IMMP2L: variants seen among roughly 807,000 people sequenced by gnomAD.
IMMP2L encodes mitochondrial inner membrane protease subunit 2.
Under a neutral mutation model 19.3 loss-of-function variants are expected in IMMP2L, and 18 were observed. That is an observed-to-expected ratio of 0.93 (90% CI 0.64 to 1.38). The LOEUF (loss-of-function observed/expected upper bound fraction) is 1.38. IMMP2L is among the 40% of genes most tolerant of loss of function. The pLI is 0.00. For synonymous variants in IMMP2L, 76 were observed against 73.0 expected, an observed-to-expected ratio of 1.04 and a Z score of -0.21; for missense variants, 233 against 218.2, an observed-to-expected ratio of 1.07 and a Z score of -0.43.
chr7:110,866,873 T>TACA (rs1279353877), intron 5 of IMMP2L, among the ~76,000 whole-genome samples: 20 of 152,164 alleles, frequency 1.3e-4, no homozygotes, highest in African/African-American at 4.8e-4. Context: ...TTTTACAAAA[T>TACA]GTTCAAAGAA....
intron 3 of IMMP2L, among the ~76,000 whole-genome samples, chr7:111,027,223 AT>A (rs1363714175): frequency 4.6e-5 from 7 of 152,214 alleles, no homozygotes; most frequent in Admixed American, 2.0e-4. Flanking sequence ...AACAAACAAT[AT>A]TGTATATCAC....
intron 3 of IMMP2L, among the ~76,000 whole-genome samples, chr7:111,169,756 G>A (rs1464345591): frequency 6.6e-6 from 1 of 151,726 alleles, no homozygotes; most frequent in African/African-American, 2.4e-5. Context: ...ACATTCACAG[G>A]TACTGACAAT....
intron 3 of IMMP2L, among the ~76,000 whole-genome samples, chr7:111,301,566 T>C (rs866341678): frequency 6.6e-6 from 1 of 152,154 alleles, no homozygotes; most frequent in African/African-American, 2.4e-5. Flanking sequence ...CCTATTTTTT[T>C]CTAAAAGTTG....
At chr7:111,369,681 GAAT>G (rs1413841838) in intron 3 of IMMP2L, among the ~76,000 whole-genome samples, 10 of 151,956 alleles carry the variant, frequency 6.6e-5, no homozygotes, top group Non-Finnish European at 1.0e-4. Flanking sequence ...ACATCTCCAA[GAAT>G]AATAATTATT....
At chr7:111,080,778 T>C (rs1795826984) in intron 3 of IMMP2L, among the ~76,000 whole-genome samples, 1 of 152,190 alleles carries the variant, frequency 6.6e-6, no homozygotes, top group African/African-American at 2.4e-5. Context: ...CTAGGCATTG[T>C]GCTGAGGACC....
chr7:111,372,836 C>A (rs1387080628), intron 3 of IMMP2L, among the ~76,000 whole-genome samples: 1 of 151,976 alleles, frequency 6.6e-6, no homozygotes. Flanking sequence ...AGTCATAATT[C>A]CTCATCAGTT....
intron 3 of IMMP2L, among the ~76,000 whole-genome samples, chr7:111,349,011 T>C (rs1827862899): frequency 6.6e-6 from 1 of 152,196 alleles, no homozygotes; most frequent in Non-Finnish European, 1.5e-5. Context: ...GTTAATACTT[T>C]ATAAGCTTCA....
chr7:110,704,297 A>C (rs968057392), intron 5 of IMMP2L, among the ~76,000 whole-genome samples: 1 of 152,242 alleles, frequency 6.6e-6, no homozygotes, highest in East Asian at 1.9e-4. Context: ...AGAAAAATTG[A>C]GCCTAAGTTA....
chr7:111,018,829 A>C (rs1825978505), intron 3 of IMMP2L, among the ~76,000 whole-genome samples: 1 of 145,184 alleles, frequency 6.9e-6, no homozygotes, highest in South Asian at 2.2e-4. Context: ...TATTATTATT[A>C]TTATTATTAC....
intron 3 of IMMP2L, among the ~76,000 whole-genome samples, chr7:111,423,205 G>T (rs1164327648): frequency 6.6e-6 from 1 of 151,754 alleles, no homozygotes; most frequent in Non-Finnish European, 1.5e-5. Flanking sequence ...GCCAGGCTTT[G>T]GTATCAGGAT....
chr7:111,068,127 G>A (rs1692497015), intron 3 of IMMP2L, among the ~76,000 whole-genome samples: 1 of 152,086 alleles, frequency 6.6e-6, no homozygotes, highest in Non-Finnish European at 1.5e-5. Context: ...ATATGTATAT[G>A]TGTATCAGCA....
chr7:110,967,378 C>A (rs1819651402), intron 3 of IMMP2L, among the ~76,000 whole-genome samples: 1 of 151,972 alleles, frequency 6.6e-6, no homozygotes, highest in African/African-American at 2.4e-5. Flanking sequence ...GCATATGTCC[C>A]ACCTTCTCTT....
chr7:110,986,266 T>TAGG (rs954812771), intron 3 of IMMP2L, among the ~76,000 whole-genome samples: 1 of 152,086 alleles, frequency 6.6e-6, no homozygotes, highest in African/African-American at 2.4e-5. Context: ...GGCAAAGTTC[T>TAGG]AGGACCCTGT....
intron 3 of IMMP2L, among the ~76,000 whole-genome samples, chr7:111,427,016 A>G (rs1186582870): frequency 6.6e-6 from 1 of 151,118 alleles, no homozygotes; most frequent in East Asian, 1.9e-4. Flanking sequence ...GTCTCATTGC[A>G]TTACTGATCA....
At chr7:111,350,545 T>C (rs550022207) in intron 3 of IMMP2L, among the ~76,000 whole-genome samples, 2 of 152,040 alleles carry the variant, frequency 1.3e-5, no homozygotes, top group African/African-American at 2.4e-5. Flanking sequence ...TCTAGGCATA[T>C]AATAATTATC....
chr7:111,405,294 A>T lies in IMMP2L; in HGVS notation c.239+81944T>A, dbSNP rs185545807. Among the ~76,000 whole-genome samples, 178 of 152,254 alleles carry T rather than the reference A, an allele frequency of 1.2e-3. 1 individual carries two copies. Among genetic ancestry groups the T allele is most frequent in the Non-Finnish European group, 2.0e-3 (133 of 67,988 alleles). On this transcript the variant is annotated intron_variant, in intron 3 of 5. Transcript: ENST00000405709. Reference sequence around the variant, plus strand: ...TTCTCTGCTTTTACTGCTCCCAAGTATACAGGCACCACGAACACAGAGACC... The same window carrying T: ...TTCTCTGCTTTTACTGCTCCCAAGTTTACAGGCACCACGAACACAGAGACC...
intron 3 of IMMP2L, among the ~76,000 whole-genome samples, chr7:111,114,202 A>C (rs1305703507): frequency 6.6e-6 from 1 of 152,090 alleles, no homozygotes; most frequent in Non-Finnish European, 1.5e-5. Context: ...ACAAGTGTAT[A>C]TAAATTACTC....
At chr7:111,469,005 G>C (rs1424172687) in intron 3 of IMMP2L, among the ~76,000 whole-genome samples, 2 of 152,006 alleles carry the variant, frequency 1.3e-5, no homozygotes, top group Non-Finnish European at 2.9e-5. Context: ...AAAATTACAG[G>C]TATGATGCTT....
chr7:110,875,173 T>C (rs1391481044), intron 5 of IMMP2L, among the ~76,000 whole-genome samples: 2 of 152,186 alleles, frequency 1.3e-5, no homozygotes, highest in African/African-American at 2.4e-5. Flanking sequence ...AAAAGCTATT[T>C]AAGTACCATG....
Sources: gnomAD v4.1 joint callset for allele counts (sites outside exome capture counted in the v4.1 genomes callset) on GRCh38, gnomAD v4.1.1 for gene constraint, MANE v1.5 for transcripts, NCBI Gene and HGNC (gene_info 2026-07-23, HGNC 2026-07-21) for gene names.